TNIP1: variants seen among roughly 807,000 people sequenced by gnomAD.
The protein encoded by TNIP1 is TNFAIP3-interacting protein 1.
Under a neutral mutation model 86.6 loss-of-function variants are expected in TNIP1, and 22 were observed. The ratio of observed to expected loss-of-function variants is 0.25; its 90% confidence interval spans 0.18 to 0.36. TNIP1 has a LOEUF of 0.36. Among genes scored for constraint, TNIP1 ranks in the 10% least tolerant of loss-of-function variants. TNIP1 has a pLI of 1.00. For missense variants in TNIP1, 709 were observed against 820.6 expected (o/e 0.86, Z 1.66); for synonymous variants, 294 against 313.0 (o/e 0.94, Z 0.64).
At chr5:151,057,139 C>G (rs1296822481) in intron 5 of TNIP1, among the ~76,000 whole-genome samples, 182 bp from the exon 6 acceptor site, 1 of 152,238 alleles carries the variant, frequency 6.6e-6, no homozygotes, top group East Asian at 1.9e-4. Flanking sequence ...AGGGCAGAAC[C>G]CAGGACTCAC....
intron 8 of TNIP1, among the ~76,000 whole-genome samples, chr5:151,048,117 C>A (rs553238824): frequency 6.6e-6 from 1 of 152,132 alleles, no homozygotes. Context: ...GACAGGCCTG[C>A]CCACTTGAAA....
chr5:151,063,881 C>T, intron 2 of TNIP1, 134 bp from the exon 3 acceptor site: 1 of 1,132,170 alleles, frequency 8.8e-7, no homozygotes, highest in Non-Finnish European at 1.2e-6. Context: ...CCCACCGTTG[C>T]TCTGTGGGCC....
chr5:151,059,828 A>AGTGT (rs760868810), intron 5 of TNIP1, among the ~76,000 whole-genome samples: 704 of 55,966 alleles, frequency 0.013, 8 homozygotes, highest in East Asian at 0.033. Context: ...AGAGAGAGAG[A>AGTGT]GTGTGTGTGT....
intron 12 of TNIP1, among the ~76,000 whole-genome samples, chr5:151,038,739 A>G (rs1758022541): frequency 6.6e-6 from 1 of 152,182 alleles, no homozygotes; most frequent in Non-Finnish European, 1.5e-5. Flanking sequence ...GAGCCATGAG[A>G]AGGAGTGTCA....
upstream of TNIP1, among the ~76,000 whole-genome samples, chr5:151,081,403 CA>C (rs1259946420): frequency 3.9e-5 from 6 of 152,040 alleles, no homozygotes; most frequent in Non-Finnish European, 4.4e-5. Flanking sequence ...CAGGCCAGAA[CA>C]GGGAGGGGAC....
chr5:151,061,228 C>G (rs748899279), intron 4 of TNIP1, among the ~76,000 whole-genome samples: 1 of 152,152 alleles, frequency 6.6e-6, no homozygotes, highest in Non-Finnish European at 1.5e-5. Context: ...CTCCCTTCAT[C>G]CCAGAAAGGG....
In TNIP1 at chr5:151,060,365, G is replaced by C; in HGVS notation, c.388C>G (p.Pro130Ala). Reference sequence around the variant, plus strand: ...CTCTCTGGTGAATTCTGCTCCTCAGGAGTGACCACTTCAAATTCAGAGGAG... The same window carrying C: ...CTCTCTGGTGAATTCTGCTCCTCAGCAGTGACCACTTCAAATTCAGAGGAG... ...GTSSEFEVVT[P>A]EEQNSPESSS... Residue 130 changes from proline to alanine, a missense_variant, in exon 5 of 18, where the codon CCT becomes GCT. Pro to Ala is a conservative substitution (Grantham distance 27). Coordinates refer to ENST00000521591, the MANE Select transcript of TNIP1 (RefSeq NM_006058.5). 6.2e-7 allele frequency: 1 copy of C among 1,614,132 alleles called. No individual in the cohort carries two copies. Among genetic ancestry groups the C allele is most frequent in the Middle Eastern group, 1.6e-4 (1 of 6,062 alleles).
intron 6 of TNIP1, among the ~76,000 whole-genome samples, chr5:151,056,330 C>A (rs1760651125): frequency 6.6e-6 from 1 of 152,122 alleles, no homozygotes; most frequent in Admixed American, 6.5e-5. Context: ...GATCGAGGTT[C>A]CAATCCCTAC....
intron 1 of TNIP1, among the ~76,000 whole-genome samples, chr5:151,079,769 TATTCTACCCTCCTAATACA>T (rs1763797721): frequency 1.3e-5 from 2 of 152,234 alleles, no homozygotes; most frequent in Non-Finnish European, 2.9e-5. Flanking sequence ...TTTGTACTAA[TATTCTACCCTCCTAATACA>T]ATTCTACCCT....
At chr5:151,050,479 G>A (rs958449212) in intron 7 of TNIP1, among the ~76,000 whole-genome samples, 8 of 152,132 alleles carry the variant, frequency 5.3e-5, no homozygotes, top group Admixed American at 5.2e-4. Context: ...TTTATCACAG[G>A]TAATGCTGTT....
chr5:151,072,131 C>T (rs1762885771), intron 1 of TNIP1, among the ~76,000 whole-genome samples: 1 of 152,198 alleles, frequency 6.6e-6, no homozygotes, highest in Admixed American at 6.5e-5. Flanking sequence ...AGTGGTAGAA[C>T]AAATAATGCA....
chr5:151,053,842 G>A (rs970541276), intron 6 of TNIP1, among the ~76,000 whole-genome samples: 6 of 152,174 alleles, frequency 3.9e-5, no homozygotes, highest in South Asian at 2.1e-4. Flanking sequence ...CATCACTGGC[G>A]GGGAGTAAAA....
intron 11 of TNIP1, among the ~76,000 whole-genome samples, chr5:151,041,007 C>G (rs1015652984): frequency 3.3e-5 from 5 of 152,096 alleles, no homozygotes; most frequent in Admixed American, 6.5e-5. Context: ...TTGTTTCCCC[C>G]CAAGAAAGAA....
At chr5:151,049,735 G>A in intron 8 of TNIP1, 89 bp downstream of exon 8, 1 of 1,496,010 alleles carries the variant, frequency 6.7e-7, no homozygotes. Context: ...GGCTGCAGGA[G>A]GGAGGAGGCT....
At chr5:151,041,169 C>T (rs1758371785) in intron 11 of TNIP1, among the ~76,000 whole-genome samples, 2 of 151,582 alleles carry the variant, frequency 1.3e-5, no homozygotes. Flanking sequence ...CTCCCGGGTT[C>T]AAGCGATTCT....
intron 8 of TNIP1, 101 bp from the exon 9 acceptor site, chr5:151,046,051 C>T: frequency 1.0e-6 from 1 of 1,003,276 alleles, no homozygotes; most frequent in Non-Finnish European, 1.5e-6. Flanking sequence ...TGGCCCCAGC[C>T]CTCTGTCTCC....
intron 1 of TNIP1, among the ~76,000 whole-genome samples, chr5:151,070,893 A>G (rs537881553): frequency 2.0e-5 from 3 of 152,020 alleles, no homozygotes; most frequent in Non-Finnish European, 4.4e-5. Context: ...CCCATAGAAC[A>G]TACACCACCA....
At chr5:151,049,794 A>T (rs768848133) in intron 8 of TNIP1, 30 bp downstream of exon 8, 129 of 1,613,600 alleles carry the variant, frequency 8.0e-5, no homozygotes, top group Non-Finnish European at 1.1e-4. Context: ...GCAACCAAGG[A>T]TGCTACAGAA....
At chr5:151,039,323 G>C (rs1758119059) in intron 11 of TNIP1, 98 bp from the exon 12 acceptor site, 1 of 1,388,486 alleles carries the variant, frequency 7.2e-7, no homozygotes, top group Admixed American at 2.5e-5. Flanking sequence ...GTTCTCCCCT[G>C]GCCATCACTT....
Sources: gnomAD v4.1 joint callset for allele counts (sites outside exome capture counted in the v4.1 genomes callset) on GRCh38, gnomAD v4.1.1 for gene constraint, MANE v1.5 for transcripts, NCBI Gene and HGNC (gene_info 2026-07-23, HGNC 2026-07-21) for gene names.